Variants in CFAP96 observed in about 807,000 individuals in gnomAD.
The protein encoded by CFAP96 is cilia and flagella associated protein 96, also known as cilia-and flagella-associated protein 96.
chr4:185,445,489 A>G, the CFAP96 span: 3 of 1,561,966 alleles, frequency 1.9e-6, no homozygotes, highest in African/African-American at 1.4e-5. Context: ...TTTCTTAGCA[A>G]TCTTGAGGAA....
At chr4:185,442,743 G>C in the CFAP96 span, among the ~76,000 whole-genome samples, 3 of 152,038 alleles carry the variant, frequency 2.0e-5, no homozygotes, top group Admixed American at 6.5e-5. Context: ...GAATACATCA[G>C]GAACGTATGC....
the CFAP96 span, among the ~76,000 whole-genome samples, chr4:185,447,981 T>C: frequency 3.9e-5 from 6 of 152,196 alleles, no homozygotes; most frequent in Admixed American, 3.3e-4. Flanking sequence ...GCTGATACTA[T>C]ATATAGGTTT....
At chr4:185,429,600 A>G in the CFAP96 span, 1 of 765,464 alleles carries the variant, frequency 1.3e-6, no homozygotes, top group South Asian at 1.9e-5. Flanking sequence ...ATGATTTTTT[A>G]ATGGTTTATA....
At chr4:185,447,010 T>C in the CFAP96 span, among the ~76,000 whole-genome samples, 1 of 152,264 alleles carries the variant, frequency 6.6e-6, no homozygotes, top group South Asian at 2.1e-4. Context: ...GGTTGTTCAT[T>C]CTGCCTTCTA....
the CFAP96 span, chr4:185,436,104 C>T: frequency 1.3e-6 from 2 of 1,550,990 alleles, no homozygotes; most frequent in Non-Finnish European, 1.7e-6. Context: ...TTTCAGCGCA[C>T]AGTCAAAACC....
chr4:185,409,689 C>G, the CFAP96 span, among the ~76,000 whole-genome samples: 2 of 152,188 alleles, frequency 1.3e-5, no homozygotes, highest in Admixed American at 6.5e-5. Context: ...AATGCACCCT[C>G]TGTGCCAAAA....
At chr4:185,439,789 T>C in the CFAP96 span, among the ~76,000 whole-genome samples, 1 of 106,356 alleles carries the variant, frequency 9.4e-6, no homozygotes, top group African/African-American at 3.1e-5. Context: ...CTCATATATA[T>C]GTATATGTAA....
chr4:185,443,342 A>ATATATATATATATATATATTTT, the CFAP96 span, among the ~76,000 whole-genome samples: 2 of 26,726 alleles, frequency 7.5e-5, no homozygotes, highest in African/African-American at 2.3e-4. Flanking sequence ...ATATATATAT[A>ATATATATATATATATATATTTT]TTTTTTTTTT....
chr4:185,445,292 CTTGTAGAA>C, the CFAP96 span: 10 of 724,822 alleles, frequency 1.4e-5, no homozygotes, highest in Non-Finnish European at 2.0e-5. Context: ...CCTGCCCTCC[CTTGTAGAA>C]GTTCTCCCCC....
the CFAP96 span, chr4:185,422,481 C>T: frequency 6.9e-6 from 11 of 1,603,710 alleles, no homozygotes; most frequent in African/African-American, 1.1e-4. Context: ...TTCAGAAGAC[C>T]TACCATTAGG....
At chr4:185,443,792 C>A in the CFAP96 span, among the ~76,000 whole-genome samples, 2 of 151,436 alleles carry the variant, frequency 1.3e-5, no homozygotes, top group African/African-American at 4.9e-5. Flanking sequence ...ATTTTTAATT[C>A]ATTCATTTTG....
At chr4:185,433,779 G>A in the CFAP96 span, among the ~76,000 whole-genome samples, 1 of 152,094 alleles carries the variant, frequency 6.6e-6, no homozygotes, top group Non-Finnish European at 1.5e-5. Flanking sequence ...GTGGGCGCCT[G>A]TAATCCCAGC....
chr4:185,433,667 C>T, the CFAP96 span, among the ~76,000 whole-genome samples: 5 of 151,242 alleles, frequency 3.3e-5, no homozygotes, highest in East Asian at 3.9e-4. Flanking sequence ...TTTGGGAGGC[C>T]GAGGCGGGCG....
At chr4:185,420,165 G>A in the CFAP96 span, among the ~76,000 whole-genome samples, 12 of 100,596 alleles carry the variant, frequency 1.2e-4, no homozygotes, top group South Asian at 4.6e-3. Context: ...AAAGCTCTGT[G>A]TTCTAAAGTC....
the CFAP96 span, chr4:185,415,453 C>A: frequency 6.9e-6 from 7 of 1,010,682 alleles, no homozygotes; most frequent in Non-Finnish European, 9.7e-6. Context: ...TTGATTGGAC[C>A]AGGTTTGCTA....
the CFAP96 span, among the ~76,000 whole-genome samples, chr4:185,411,466 T>A: frequency 6.6e-6 from 1 of 152,268 alleles, no homozygotes; most frequent in South Asian, 2.1e-4. Context: ...AGAAGAAAAT[T>A]ATAAGCCAGT....
At chr4:185,420,196 C>T in the CFAP96 span, among the ~76,000 whole-genome samples, 2 of 151,322 alleles carry the variant, frequency 1.3e-5, no homozygotes, top group Non-Finnish European at 2.9e-5. Flanking sequence ...TTTTTTTCCT[C>T]TGTATGGTTA....
At chr4:185,434,826 C>T in the CFAP96 span, among the ~76,000 whole-genome samples, 65 of 152,100 alleles carry the variant, frequency 4.3e-4, no homozygotes, top group African/African-American at 1.3e-3. Context: ...GCAATCTCCG[C>T]CTCCCAGGTT....
At chr4:185,425,823 C>T in the CFAP96 span, 1 of 1,595,380 alleles carries the variant, frequency 6.3e-7, no homozygotes, top group Admixed American at 1.8e-5. Context: ...CTGCCAAAGT[C>T]CGGGGAAAAA....
Sources: gnomAD v4.1 joint callset for allele counts (sites outside exome capture counted in the v4.1 genomes callset) on GRCh38, gnomAD v4.1.1 for gene constraint, MANE v1.5 for transcripts, NCBI Gene and HGNC (gene_info 2026-07-23, HGNC 2026-07-21) for gene names.